Variants in COG1 observed in about 807,000 individuals in gnomAD.
The protein encoded by COG1 is conserved oligomeric Golgi complex subunit 1.
In COG1, 61 loss-of-function variants were observed where a neutral mutation model predicts 102.2. The ratio of observed to expected loss-of-function variants is 0.60; its 90% CI spans 0.49 to 0.74. The LOEUF is 0.74. COG1 is among the 30% of genes least tolerant of loss of function. The probability of loss-of-function intolerance (pLI) is 0.00; values close to 1 mark genes in which losing one functional copy is unlikely to be tolerated. For synonymous variants in COG1, 454 were observed against 493.6 expected (o/e 0.92, Z 1.06); for missense variants, 1,164 against 1,232.1 (o/e 0.94, Z 0.83).
intron 8 of COG1, 184 bp from the exon 9 acceptor site, chr17:73,203,448 C>A (rs891576690): frequency 3.9e-6 from 3 of 765,536 alleles, no homozygotes; most frequent in Non-Finnish European, 2.2e-6. Context: ...ACCGTGGAGG[C>A]AGTAACAGCA....
At position 73,202,064 on chromosome 17, in the gene COG1, G is replaced by A. The variant is rs144883214; in HGVS notation, c.2073+164G>A. ...TCAGTAAAAACTTTTTTGGCCGGGC[G>A]CGGTGGCTCATGCCTGTAATCCCAG... is the stretch of plus-strand genomic sequence containing the variant. On this transcript the variant is annotated intron_variant, in intron 7 of 13. Transcript: ENST00000299886. 1.7e-3 allele frequency among the ~76,000 whole-genome samples: 254 copies of A among 152,214 alleles called. 3 individuals carry two copies. In the East Asian group the frequency reaches 0.041, roughly 25 times the overall value.
intron 1 of COG1, among the ~76,000 whole-genome samples, chr17:73,194,805 G>A (rs1447333146): frequency 6.6e-6 from 1 of 152,178 alleles, no homozygotes; most frequent in African/African-American, 2.4e-5. Context: ...GAAGTGAAAG[G>A]GCATGAAGGG....
Position 73,205,800 on chromosome 17 carries a change from CAGTA to C in COG1, c.2510+124_2510+127del, listed in dbSNP as rs1284712175. The C allele has an allele frequency of 5.2e-6, 7 of 1,338,790 alleles. No individual in the cohort carries two copies. In the African/African-American group the frequency reaches 1.0e-4, roughly 19 times the overall value. 82.9% of individuals were successfully genotyped at this position (1,338,790 alleles called of 1,614,324 possible). On this transcript the variant is annotated intron_variant, in intron 10 of 13. Transcript: ENST00000299886. The stretch of plus-strand genomic sequence containing the variant: ...GCACATTCATTGTGTTTGTTTTGAA[CAGTA>C]AGTGCTCATATTGCCAGCAAGTTAA...
chr17:73,205,987 C>T (rs1599331464), intron 10 of COG1, 167 bp from the exon 11 acceptor site: 3 of 699,870 alleles, frequency 4.3e-6, no homozygotes, highest in East Asian at 2.7e-5. Context: ...TTCACTTAGA[C>T]ATCATGCTTG....
rs975596168 is a variant in COG1, at chr17:73,205,433, A to G, written c.2383-120A>G. The G allele has an allele frequency of 6.5e-6, 7 of 1,068,746 alleles. No individual in the cohort carries two copies. In the African/African-American group the frequency reaches 9.3e-5, roughly 14 times the overall value. 66.2% of individuals were successfully genotyped at this position (1,068,746 alleles called of 1,614,324 possible). A position where few individuals can be genotyped will look rare whatever the true frequency, so the allele number is the denominator to read the frequency against. Reference sequence around the variant, plus strand: ...GTGAGATTAAACTGGCCATATGAGCATTAAAACCATCTGCTTCTGAAATAG... The same window carrying G: ...GTGAGATTAAACTGGCCATATGAGCGTTAAAACCATCTGCTTCTGAAATAG... On this transcript the variant is annotated intron_variant, in intron 9 of 13. Transcript: ENST00000299886.
rs533834836 is a variant in COG1, at chr17:73,205,645, C to T, written c.2475C>T (p.Asp825=). The change falls in exon 10 of 14, where the codon GAC becomes GAT. Residue 825 remains aspartate, a synonymous_variant. Transcript: ENST00000299886. The part of the protein sequence containing the change: ...YLNIVLTAKG[D]EVKSGRSKPD... ...ACATTGTTCTGACAGCCAAGGGTGA[C>T]GAGGTGAAGAGTGGCCGGAGCAAGC... 1.6e-5 allele frequency: 26 copies of T among 1,613,814 alleles called. 1 individual carries two copies. Among genetic ancestry groups the T allele is most frequent in the East Asian group, 1.1e-4 (5 of 44,890 alleles).
chr17:73,200,989 T>C, intron 6 of COG1, 120 bp from the exon 7 acceptor site: 2 of 1,017,948 alleles, frequency 2.0e-6, no homozygotes, highest in Non-Finnish European at 3.0e-6. Context: ...GCCAACACCA[T>C]GCCATCTTTC....
chr17:73,193,079 G>T lies in COG1; in HGVS notation c.10G>T (p.Ala4Ser). The T allele has an allele frequency of 1.3e-6, 2 of 1,496,454 alleles. No homozygotes were observed. Among genetic ancestry groups the T allele is most frequent in the South Asian group, 2.2e-5 (2 of 89,560 alleles). The allele number at this position is 1,496,454 out of a possible 1,614,324, so 92.7% of individuals were successfully genotyped here. A position where few individuals can be genotyped will look rare whatever the true frequency, so the allele number is the denominator to read the frequency against. The change falls in exon 1 of 14, where the codon GCG becomes TCG. Residue 4 changes from alanine (A) to serine (S), a missense_variant. Ala to Ser is a moderately conservative substitution (Grantham distance 99). Transcript: ENST00000299886. MAT[A>S]ATSPALKRLD... ...GGCTGACGAGTGCACCATGGCCACC[G>T]CGGCAACCTCACCCGCGCTGAAGCG...
intron 13 of COG1, chr17:73,207,530 A>T (rs961766126): frequency 5.1e-6 from 3 of 589,216 alleles, no homozygotes; most frequent in African/African-American, 3.7e-5. Flanking sequence ...TGAATTTAGT[A>T]GGGTGAAAGA....
chr17:73,207,092 C>CAAAGAAAAAAAAAAAAA (rs2061379045), intron 12 of COG1, 89 bp from the exon 13 acceptor site: 1 of 684,708 alleles, frequency 1.5e-6, no homozygotes, highest in African/African-American at 2.7e-5. Flanking sequence ...GACTCTGTCT[C>CAAAGAAAAAAAAAAAAA]AAAAAAAAAA....
At position 73,208,330 on chromosome 17, in the gene COG1, G is replaced by A. The variant is rs759050295; in HGVS notation, c.2822G>A (p.Arg941His). 127 of 1,613,794 alleles carry A rather than the reference G, an allele frequency of 7.9e-5. No individual in the cohort carries two copies. Among genetic ancestry groups the A allele is most frequent in the Admixed American group, 2.7e-4 (16 of 60,006 alleles). ...ETKAQVVPPA[R>H]STAGDPTVPG... ...CAATGGCAGGTTGTCCCCCCGGCAC[G>A]CTCCACAGCTGGTGACCCGACAGTT... is the stretch of plus-strand genomic sequence containing the variant. Residue 941 changes from arginine to histidine, a missense_variant, in exon 14 of 14, where the codon CGC (arginine) becomes CAC (histidine). Coordinates refer to ENST00000299886, the MANE Select transcript of COG1 (RefSeq NM_018714.3).
intron 10 of COG1, chr17:73,205,949 T>C: frequency 1.6e-6 from 1 of 641,048 alleles, no homozygotes; most frequent in Non-Finnish European, 2.7e-6. Flanking sequence ...GTGCCCTCCT[T>C]ATAGACAGAA....
chr17:73,203,507 A>T (rs1327774627), intron 8 of COG1, 125 bp from the exon 9 acceptor site: 1 of 1,161,806 alleles, frequency 8.6e-7, no homozygotes, highest in Non-Finnish European at 1.3e-6. Context: ...TCTGCCTGTA[A>T]GAAGCGTTGC....
rs1241476666 is a variant in COG1, at chr17:73,193,402, C to T, written c.315+18C>T. 9 of 1,404,272 alleles carry T rather than the reference C, an allele frequency of 6.4e-6. No individual in the cohort carries two copies. The Admixed American group carries it at 2.1e-4, about 32-fold the overall frequency. The allele number at this position is 1,404,272 out of a possible 1,614,324, so 87.0% of individuals were successfully genotyped here. A position where few individuals can be genotyped will look rare whatever the true frequency, so the allele number is the denominator to read the frequency against. ...CCCAGCAGGTCAGTCCCCGTGCCCCCACCCTGCGACCCGCAGGCGGGTCCC... is the reference window on the plus strand; with the variant it reads ...CCCAGCAGGTCAGTCCCCGTGCCCCTACCCTGCGACCCGCAGGCGGGTCCC... On this transcript the variant is annotated intron_variant, in intron 1 of 13. Coordinates refer to ENST00000299886, the MANE Select transcript of COG1 (RefSeq NM_018714.3).
chr17:73,196,402 G>C (rs771540992), intron 1 of COG1, 105 bp from the exon 2 acceptor site: 5 of 1,554,524 alleles, frequency 3.2e-6, no homozygotes, highest in Non-Finnish European at 4.4e-6. Context: ...CAGCTTAATA[G>C]AAGTTTTGTA....
At chr17:73,203,280 C>A in intron 8 of COG1, 134 bp downstream of exon 8, 1 of 1,169,014 alleles carries the variant, frequency 8.6e-7, no homozygotes, top group East Asian at 2.6e-5. Context: ...ACTGTGGGGG[C>A]ATAGTAGATG....
At chr17:73,200,510 TAAAG>T in intron 5 of COG1, 52 bp from the exon 6 acceptor site, 1 of 1,421,328 alleles carries the variant, frequency 7.0e-7, no homozygotes, top group Non-Finnish European at 1.0e-6. Context: ...TTTTTCTTAA[TAAAG>T]ATGTGAACAC....
intron 9 of COG1, chr17:73,205,312 A>G: frequency 3.9e-6 from 2 of 513,948 alleles, no homozygotes; most frequent in Admixed American, 6.4e-5. Flanking sequence ...ACAACCATTT[A>G]CAGCATCTGA....
rs375438969 is a variant in COG1, at chr17:73,199,865, G to A, written c.914G>A (p.Gly305Glu). The change falls in exon 5 of 14, where the codon GGA becomes GAA. Residue 305 changes from glycine (G) to glutamate (E), a missense_variant and splice_region_variant. By Grantham distance (98) the Gly-to-Glu change is moderately conservative (BLOSUM62 -2). Transcript: ENST00000299886. Reference sequence around the variant, plus strand: ...GCTTCTCACTTGGCCTTCTCTTTAGGAAAGGGCACTGGTGTCCTGCAGGAA... The same window carrying A: ...GCTTCTCACTTGGCCTTCTCTTTAGAAAAGGGCACTGGTGTCCTGCAGGAA... The part of the protein sequence containing the change: ...LETITGQHPA[G>E]KGTGVLQEEM... 11 of 1,614,028 alleles carry A rather than the reference G, an allele frequency of 6.8e-6. No individual in the cohort carries two copies. The African/African-American group carries it at 1.3e-4, about 20-fold the overall frequency.
Sources: allele counts gnomAD v4.1 joint callset (sites outside exome capture counted in the v4.1 genomes callset), GRCh38; gene constraint gnomAD v4.1.1; transcripts MANE v1.5; gene names NCBI Gene and HGNC (gene_info 2026-07-23, HGNC 2026-07-21).